PABPC4: variants seen among roughly 807,000 people sequenced by gnomAD.
PABPC4 encodes the protein polyadenylate-binding protein 4.
PABPC4 carries 15 observed loss-of-function variants against 74.5 expected under a neutral mutation model. The ratio of observed to expected loss-of-function variants is 0.20; its 90% CI spans 0.13 to 0.31. The LOEUF (loss-of-function observed/expected upper bound fraction) is 0.31. PABPC4 is among the 10% of genes least tolerant of loss of function. The pLI is 1.00. For missense variants in PABPC4, 610 were observed against 853.5 expected (o/e 0.71, Z 3.55); for synonymous variants, 345 against 303.0 (o/e 1.14, Z -1.44).
chr1:39,574,716 G>C (rs1163196737), intron 1 of PABPC4, among the ~76,000 whole-genome samples: 1 of 152,214 alleles, frequency 6.6e-6, no homozygotes, highest in East Asian at 1.9e-4. Flanking sequence ...AGAAAACAAA[G>C]GGGGGACCCC....
intron 2 of PABPC4, 153 bp from the exon 3 acceptor site, chr1:39,571,502 A>C: frequency 1.4e-6 from 1 of 722,762 alleles, no homozygotes; most frequent in Non-Finnish European, 2.3e-6. Context: ...CTAGCACAGC[A>C]CCAGGTGCCT....
chr1:39,571,389 A>G (rs1264374324), intron 2 of PABPC4, 40 bp from the exon 3 acceptor site: 2 of 1,610,748 alleles, frequency 1.2e-6, no homozygotes, highest in South Asian at 2.2e-5. Context: ...AGAACTGGCC[A>G]GCTCCTGAGA....
At position 39,575,755 on chromosome 1, in the gene PABPC4, T is replaced by A; in HGVS notation, c.193+4A>T. 1.3e-6 allele frequency: 2 copies of A among 1,586,952 alleles called. No homozygotes were observed. The highest frequency in any genetic ancestry group is 1.7e-6 in the Non-Finnish European group (2 of 1,164,742). On this transcript the variant is annotated splice_donor_region_variant and intron_variant, in intron 1 of 15. Coordinates refer to ENST00000372858, the MANE Select transcript of PABPC4 (RefSeq NM_001135653.2). ...ACGCACGTGTGGGCACAGCTTCTAC[T>A]CACCGTCGGCCGGCTGCTGGAAGTT...
At chr1:39,564,662 C>T (rs779146962) in intron 9 of PABPC4, 24 bp downstream of exon 9, 10 of 1,612,674 alleles carry the variant, frequency 6.2e-6, no homozygotes, top group Non-Finnish European at 8.5e-6. Context: ...CCTGGGCTGT[C>T]AATTACTGTT....
chr1:39,570,256 G>T (rs3768321), intron 3 of PABPC4, among the ~76,000 whole-genome samples: 20,660 of 152,220 alleles, frequency 0.14, 1,808 homozygotes, highest in Non-Finnish European at 0.2. Context: ...CCTTCATGAA[G>T]AAACCTGATG....
chr1:39,562,691 G>A (rs577552437), intron 12 of PABPC4: 114 of 353,074 alleles, frequency 3.2e-4, no homozygotes, highest in African/African-American at 2.2e-3. Flanking sequence ...TATAGTGCTA[G>A]GCAAGCATTT....
At chr1:39,572,639 G>T in intron 1 of PABPC4, 53 bp from the exon 2 acceptor site, 1 of 1,393,936 alleles carries the variant, frequency 7.2e-7, no homozygotes, top group Non-Finnish European at 1.0e-6. Context: ...GCTCCCACAG[G>T]CCAACAGCCT....
chr1:39,561,905 C>T, intron 14 of PABPC4, 118 bp from the exon 15 acceptor site: 1 of 1,174,006 alleles, frequency 8.5e-7, no homozygotes, highest in African/African-American at 1.5e-5. Flanking sequence ...GCTTCTGGTG[C>T]TAACTACTTT....
chr1:39,571,156 T>C (rs1439356580), intron 3 of PABPC4, 78 bp downstream of exon 3: 1 of 1,606,114 alleles, frequency 6.2e-7, no homozygotes, highest in Admixed American at 1.7e-5. Context: ...AGTAGCCGCC[T>C]TGTGTGTGCC....
At chr1:39,566,279 C>T (rs1645839968) in intron 7 of PABPC4, among the ~76,000 whole-genome samples, 1 of 152,144 alleles carries the variant, frequency 6.6e-6, no homozygotes, top group Admixed American at 6.5e-5. Context: ...TTACCAACGT[C>T]AGGATAACAC....
intron 14 of PABPC4, 26 bp from the exon 15 acceptor site, chr1:39,561,813 T>C (rs1192651888): frequency 1.3e-6 from 2 of 1,596,020 alleles, no homozygotes; most frequent in Non-Finnish European, 1.7e-6. Context: ...AGGTGGTCAG[T>C]GAATCTAGGA....
At chr1:39,561,308 T>C (rs1645766002) in intron 15 of PABPC4, 186 bp from the exon 16 acceptor site, 1 of 340,544 alleles carries the variant, frequency 2.9e-6, no homozygotes, top group Non-Finnish European at 5.8e-6. Context: ...CTCTGGTCTT[T>C]ACCACTAGAT....
chr1:39,563,975 C>A, intron 10 of PABPC4, 53 bp from the exon 11 acceptor site: 1 of 1,518,846 alleles, frequency 6.6e-7, no homozygotes, highest in Non-Finnish European at 9.1e-7. Flanking sequence ...GTCCAACTGG[C>A]CACGTCCCAC....
Position 39,576,201 on chromosome 1 carries a change from T to C in PABPC4, c.-250A>G, listed in dbSNP as rs1170973055. On this transcript the variant is annotated 5_prime_UTR_variant, in exon 1 of 16. Transcript: ENST00000372858. ...TACGGCCCTCCCCGCGACTTTGCAC[T>C]TCTCCGCGGTCCTGGTGCGAAGCTC... 2.2e-5 allele frequency: 9 copies of C among 400,646 alleles called. No homozygotes were observed. Among genetic ancestry groups the C allele is most frequent in the Non-Finnish European group, 3.1e-5 (7 of 226,440 alleles). The allele number at this position is 400,646 out of a possible 1,614,324, so 24.8% of individuals were successfully genotyped here.
Position 39,560,997 on chromosome 1 carries a change from C to A in PABPC4, c.*139G>T. 2.6e-6 allele frequency: 1 copy of A among 381,226 alleles called. No individual in the cohort carries two copies. Among genetic ancestry groups the A allele is most frequent in the Non-Finnish European group, 5.5e-6 (1 of 181,272 alleles). The allele number at this position is 381,226 out of a possible 1,614,324, so 23.6% of individuals were successfully genotyped here. A position where few individuals can be genotyped will look rare whatever the true frequency, so the allele number is the denominator to read the frequency against. ...AAATTCTAGGTGCTTCATAATTGAC[C>A]TTTTGATACAAAATGACCTATTAAA... On this transcript the variant is annotated 3_prime_UTR_variant, in exon 16 of 16. Transcript: ENST00000372858.
At chr1:39,573,989 G>A (rs1239765032) in intron 1 of PABPC4, among the ~76,000 whole-genome samples, 1 of 152,210 alleles carries the variant, frequency 6.6e-6, no homozygotes, top group Non-Finnish European at 1.5e-5. Flanking sequence ...TCCTCCATGA[G>A]GGGATTTAGA....
intron 5 of PABPC4, 54 bp from the exon 6 acceptor site, chr1:39,568,993 C>T (rs1645894891): frequency 1.3e-5 from 20 of 1,566,786 alleles, no homozygotes; most frequent in Non-Finnish European, 1.7e-5. Context: ...GGGTCTTATT[C>T]TGGAGGTCTA....
intron 1 of PABPC4, among the ~76,000 whole-genome samples, chr1:39,575,276 A>G (rs2124015252): frequency 6.6e-6 from 1 of 152,306 alleles, no homozygotes; most frequent in East Asian, 1.9e-4. Context: ...GCCTGCCCTG[A>G]CTGATCCTTT....
In PABPC4 at chr1:39,572,459, G is replaced by A. The variant is rs1645955265; in HGVS notation, c.321C>T (p.Asp107=). Residue 107 remains aspartate (D), a synonymous_variant, in exon 2 of 16, where the codon GAC becomes GAT. Transcript: ENST00000372858. ...GVGNVFIKNL[D]KSIDNKALYD... ...AAAGTGCCTTGTTATCTATAGATTT[G>A]TCCAGGTTCTTGATGAAGACGTTTC... 3 of 1,614,036 alleles carry A rather than the reference G, an allele frequency of 1.9e-6. No individual in the cohort carries two copies. Among genetic ancestry groups the A allele is most frequent in the Non-Finnish European group, 2.5e-6 (3 of 1,179,922 alleles).
Sources: allele counts gnomAD v4.1 joint callset (sites outside exome capture counted in the v4.1 genomes callset), GRCh38; gene constraint gnomAD v4.1.1; transcripts MANE v1.5; gene names NCBI Gene and HGNC (gene_info 2026-07-23, HGNC 2026-07-21).